NOTCH2: variants seen among roughly 807,000 people sequenced by gnomAD.
NOTCH2 encodes the protein neurogenic locus notch homolog protein 2.
Under a neutral mutation model 235.8 loss-of-function variants are expected in NOTCH2, and 29 were observed. The observed-to-expected ratio is 0.12, with a 90% CI of 0.09 to 0.17. The LOEUF is 0.17. NOTCH2 is among the 10% of genes least tolerant of loss of function. The pLI is 1.00. For synonymous variants in NOTCH2, 1,086 were observed against 1,141.5 expected, an observed-to-expected ratio of 0.95 and a Z score of 0.98; for missense variants, 2,285 against 3,150.2, an observed-to-expected ratio of 0.73 and a Z score of 6.57.
At chr1:119,926,645 G>T (rs1413849734) in intron 23 of NOTCH2, 34 bp from the exon 24 acceptor site, 1 of 1,527,906 alleles carries the variant, frequency 6.5e-7, no homozygotes, top group Admixed American at 1.9e-5. Context: ...GGTTTTAAAA[G>T]GCAGAAGTAG....
chr1:120,065,234 T>G (rs1655460880), intron 1 of NOTCH2, among the ~76,000 whole-genome samples: 1 of 152,220 alleles, frequency 6.6e-6, no homozygotes, highest in Non-Finnish European at 1.5e-5. Flanking sequence ...GCAAATACTG[T>G]TTTTAAAATG....
chr1:119,935,853 G>T (rs757132833), intron 21 of NOTCH2, among the ~76,000 whole-genome samples: 20 of 152,322 alleles, frequency 1.3e-4, no homozygotes, highest in African/African-American at 4.6e-4. Context: ...GGCAAGGACT[G>T]AATACAATGA....
intron 5 of NOTCH2, among the ~76,000 whole-genome samples, chr1:119,977,413 G>A (rs1041857847): frequency 1.3e-5 from 2 of 151,956 alleles, no homozygotes; most frequent in Non-Finnish European, 2.9e-5. Context: ...CTTCAACTAC[G>A]CCTCAAGGGC....
chr1:119,961,718 A>C (rs1194995155), intron 11 of NOTCH2, among the ~76,000 whole-genome samples: 3 of 152,228 alleles, frequency 2.0e-5, no homozygotes, highest in Non-Finnish European at 4.4e-5. Flanking sequence ...TTACTATCAT[A>C]AAAGCACAGA....
chr1:119,977,885 C>T (rs1438127718), intron 5 of NOTCH2, among the ~76,000 whole-genome samples: 7 of 152,142 alleles, frequency 4.6e-5, no homozygotes, highest in South Asian at 2.1e-4. Context: ...TACACACACA[C>T]GCACACAAAC....
rs2101099906 is a variant in NOTCH2, at chr1:119,937,894, C to T, written c.3300G>A (p.Val1100=). The T allele has an allele frequency of 6.2e-7, 1 of 1,614,222 alleles. No homozygotes were observed. Among genetic ancestry groups the T allele is most frequent in the Non-Finnish European group, 8.5e-7 (1 of 1,180,044 alleles). Residue 1100 remains valine, a synonymous_variant, in exon 20 of 34, where the codon GTG becomes GTA. Coordinates refer to ENST00000256646, the MANE Select transcript of NOTCH2 (RefSeq NM_024408.4). ...CTGCTATGTCACAAGAGACATTGGG[C>T]ACGTCACAATAGGCACCAGCCCATC... The part of the protein sequence containing the change: ...PSGWAGAYCD[V]PNVSCDIAAS...
chr1:120,001,112 C>A (rs1266208156), intron 3 of NOTCH2, among the ~76,000 whole-genome samples: 1 of 152,080 alleles, frequency 6.6e-6, no homozygotes, highest in African/African-American at 2.4e-5. Flanking sequence ...GAAAGAAGTG[C>A]CTTTTGCCTC....
intron 33 of NOTCH2, among the ~76,000 whole-genome samples, chr1:119,917,300 G>A (rs1165553169): frequency 1.3e-5 from 2 of 152,020 alleles, no homozygotes; most frequent in Non-Finnish European, 2.9e-5. Flanking sequence ...GAAAACATCA[G>A]GGTATCCAAG....
In NOTCH2 at chr1:119,925,363, T is replaced by C. The variant is rs1431747515; in HGVS notation, c.4453A>G (p.Asn1485Asp). The C allele has an allele frequency of 6.2e-7, 1 of 1,614,060 alleles. No homozygotes were observed. Among genetic ancestry groups the C allele is most frequent in the African/African-American group, 1.3e-5 (1 of 74,934 alleles). The change falls in exon 25 of 34, where the codon AAC (asparagine) becomes GAC (aspartate). Residue 1485 changes from asparagine to aspartate, a missense_variant. Asn to Asp is a conservative substitution (Grantham distance 23). Coordinates refer to ENST00000256646, the MANE Select transcript of NOTCH2 (RefSeq NM_024408.4). The part of the protein sequence containing the change: ...YINNQCDELC[N>D]TVECLFDNFE... ...TTGTCAAACAGGCACTCGACCGTGTTGCACAGCTCATCACACTGGTTGTTG... is the reference window on the plus strand; with the variant it reads ...TTGTCAAACAGGCACTCGACCGTGTCGCACAGCTCATCACACTGGTTGTTG...
At chr1:120,002,343 A>C (rs1553205516) in intron 3 of NOTCH2, among the ~76,000 whole-genome samples, 2 of 151,082 alleles carry the variant, frequency 1.3e-5, no homozygotes, top group Non-Finnish European at 3.0e-5. Flanking sequence ...ATCAAGATGA[A>C]ATCAGTCTAC....
chr1:119,986,113 C>T (rs1197417647), intron 5 of NOTCH2, among the ~76,000 whole-genome samples: 1 of 152,174 alleles, frequency 6.6e-6, no homozygotes, highest in East Asian at 1.9e-4. Context: ...TGCACTTCAA[C>T]ATTAAGATTC....
intron 33 of NOTCH2, 93 bp downstream of exon 33, chr1:119,917,572 T>G (rs1470414709): frequency 1.1e-6 from 1 of 877,576 alleles, no homozygotes; most frequent in Admixed American, 1.7e-5. Flanking sequence ...TGTCTATACA[T>G]ATAACAAGAG....
chr1:119,941,193 T>C (rs1650049961), intron 18 of NOTCH2, among the ~76,000 whole-genome samples: 2 of 152,240 alleles, frequency 1.3e-5, no homozygotes, highest in African/African-American at 4.8e-5. Flanking sequence ...TAAAGACTAG[T>C]AACAATTCCA....
intron 5 of NOTCH2, among the ~76,000 whole-genome samples, chr1:119,972,857 C>G (rs1173704261): frequency 2.0e-5 from 3 of 152,170 alleles, no homozygotes; most frequent in Admixed American, 2.0e-4. Context: ...ACATATCAAG[C>G]CATCTCTGCA....
intron 1 of NOTCH2, among the ~76,000 whole-genome samples, chr1:120,039,409 CTT>C (rs1170358326): frequency 1.7e-4 from 21 of 127,006 alleles, no homozygotes; most frequent in Non-Finnish European, 2.3e-4. Context: ...CTTTTTAAAG[CTT>C]TTTTTTTTTT....
intron 1 of NOTCH2, among the ~76,000 whole-genome samples, chr1:120,068,511 GC>G (rs748525844): frequency 9.0e-4 from 84 of 93,526 alleles, no homozygotes; most frequent in Middle Eastern, 4.3e-3. Flanking sequence ...TTTCTCACCC[GC>G]CCGTGCCCCA....
intron 5 of NOTCH2, among the ~76,000 whole-genome samples, chr1:119,976,067 C>T (rs1057435305): frequency 1.3e-5 from 2 of 152,222 alleles, no homozygotes; most frequent in Non-Finnish European, 2.9e-5. Flanking sequence ...TAAGGGTCAA[C>T]TCTCATTGCA....
intron 5 of NOTCH2, among the ~76,000 whole-genome samples, chr1:119,970,603 G>C (rs190286378): frequency 6.6e-6 from 1 of 152,216 alleles, no homozygotes; most frequent in Non-Finnish European, 1.5e-5. Flanking sequence ...CTAGGTTGCA[G>C]GTCACCACTA....
At position 119,916,616 on chromosome 1, in the gene NOTCH2, G is replaced by C; in HGVS notation, c.6106C>G (p.Arg2036Gly). The change falls in exon 34 of 34, where the codon CGA (arginine) becomes GGA (glycine). Residue 2036 changes from arginine (R) to glycine (G), a missense_variant. Arg to Gly is a moderately radical substitution (Grantham distance 125, BLOSUM62 -2). This residue lies in a region of NOTCH2 where 128 missense variants were observed against 255.9 expected (regional missense o/e 0.50). Coordinates refer to ENST00000256646, the MANE Select transcript of NOTCH2 (RefSeq NM_024408.4). ...AKILLDHFANRDITDHMDRLP... is the reference protein window; with the variant it reads ...AKILLDHFANGDITDHMDRLP... ...CGATCCATATGGTCTGTGATGTCTC[G>C]ATTGGCAAAATGGTCTAACAGGATC... 7 of 1,614,154 alleles carry C rather than the reference G, an allele frequency of 4.3e-6. No individual in the cohort carries two copies. Among genetic ancestry groups the C allele is most frequent in the Admixed American group, 1.7e-5 (1 of 60,022 alleles).
Sources: allele counts gnomAD v4.1 joint callset (sites outside exome capture counted in the v4.1 genomes callset), GRCh38; gene constraint gnomAD v4.1.1; regional missense constraint gnomAD v4.1.1; transcripts MANE v1.5; gene names NCBI Gene and HGNC (gene_info 2026-07-23, HGNC 2026-07-21).